Variants in ZNRF1 observed in about 807,000 individuals in gnomAD.
ZNRF1 encodes E3 ubiquitin-protein ligase ZNRF1.
Under a neutral mutation model 18.4 loss-of-function variants are expected in ZNRF1, and 3 were observed. The ratio of observed to expected loss-of-function variants is 0.16; its 90% CI spans 0.07 to 0.42. ZNRF1 has a LOEUF of 0.42. Among genes scored for constraint, ZNRF1 ranks in the 10% least tolerant of loss-of-function variants. The pLI is 0.99. For synonymous variants in ZNRF1, 157 were observed against 144.2 expected (o/e 1.09, Z -0.64); for missense variants, 310 against 329.8 (o/e 0.94, Z 0.47).
At chr16:75,063,961 A>G (rs1443034095) in intron 1 of ZNRF1, among the ~76,000 whole-genome samples, 1 of 152,172 alleles carries the variant, frequency 6.6e-6, no homozygotes, top group Non-Finnish European at 1.5e-5. Context: ...GATTTTTGTT[A>G]AAATACGGGG....
intron 1 of ZNRF1, among the ~76,000 whole-genome samples, chr16:75,006,205 G>A (rs750234349): frequency 4.6e-5 from 7 of 152,084 alleles, no homozygotes; most frequent in Non-Finnish European, 1.0e-4. Context: ...GTGAAGCCTT[G>A]GACAAGGGGT....
At chr16:75,051,530 T>TGG (rs200339905) in intron 1 of ZNRF1, among the ~76,000 whole-genome samples, 1 of 147,810 alleles carries the variant, frequency 6.8e-6, no homozygotes. Flanking sequence ...CTTTTTTTTT[T>TGG]TGGGGGGGAC....
At chr16:75,003,488 C>T (rs373378242) in intron 1 of ZNRF1, among the ~76,000 whole-genome samples, 1 of 152,106 alleles carries the variant, frequency 6.6e-6, no homozygotes, top group African/African-American at 2.4e-5. Flanking sequence ...TAAGACTGTT[C>T]TCTCCCACCC....
chr16:75,041,576 C>T (rs886088506), intron 1 of ZNRF1, among the ~76,000 whole-genome samples: 1 of 151,870 alleles, frequency 6.6e-6, no homozygotes, highest in African/African-American at 2.4e-5. Flanking sequence ...GTGATACGCC[C>T]GCCTCAGCCT....
chr16:75,097,453 C>CTT (rs2036212456), intron 2 of ZNRF1, among the ~76,000 whole-genome samples: 3 of 152,096 alleles, frequency 2.0e-5, no homozygotes, highest in Admixed American at 2.0e-4. Flanking sequence ...GTCATGATGC[C>CTT]CTCTTCCTCC....
At chr16:75,097,360 G>T (rs1597908956) in intron 2 of ZNRF1, among the ~76,000 whole-genome samples, 2 of 152,072 alleles carry the variant, frequency 1.3e-5, no homozygotes, top group Admixed American at 6.5e-5. Context: ...CTGGGGGGCG[G>T]CAGGTTCATT....
At position 75,104,776 on chromosome 16, in the gene ZNRF1, C is replaced by A; in HGVS notation, c.521-8C>A. ...ACCCTCCTGCACTCTCCCCTGTCCC[C>A]CTTGCAGATGATGTGCTGACTAAAG... On this transcript the variant is annotated splice_region_variant and splice_polypyrimidine_tract_variant and intron_variant, in intron 2 of 4. Transcript: ENST00000335325. The A allele has an allele frequency of 6.3e-7, 1 of 1,593,878 alleles. No homozygotes were observed. The highest frequency in any genetic ancestry group is 1.1e-5 in the South Asian group (1 of 87,128).
chr16:75,048,531 G>T (rs1215564203), intron 1 of ZNRF1, among the ~76,000 whole-genome samples: 1 of 152,170 alleles, frequency 6.6e-6, no homozygotes, highest in Non-Finnish European at 1.5e-5. Context: ...AAAAGAGAAT[G>T]CTCTTAAAAT....
At chr16:75,033,392 A>G (rs1281225947) in intron 1 of ZNRF1, among the ~76,000 whole-genome samples, 1 of 150,934 alleles carries the variant, frequency 6.6e-6, no homozygotes, top group African/African-American at 2.4e-5. Flanking sequence ...GTATTTCTCT[A>G]GCTTCATTTA....
chr16:75,007,733 AC>A (rs1354173743), intron 1 of ZNRF1, among the ~76,000 whole-genome samples: 1 of 152,180 alleles, frequency 6.6e-6, no homozygotes, highest in African/African-American at 2.4e-5. Context: ...TAACAAATGA[AC>A]CTGAAAACAA....
rs1026693629 is a variant in ZNRF1, at chr16:74,999,648, C to T, written c.-24C>T. 1.1e-4 allele frequency: 146 copies of T among 1,329,284 alleles called. No individual in the cohort carries two copies. The East Asian group carries it at 3.2e-3, about 29-fold the overall frequency. The allele number at this position is 1,329,284 out of a possible 1,614,324, so 82.3% of individuals were successfully genotyped here. A position where few individuals can be genotyped will look rare whatever the true frequency, so the allele number is the denominator to read the frequency against. The stretch of plus-strand genomic sequence containing the variant: ...GGGAGGGTCTCGGCCTCCAGGTTCC[C>T]GCCCCACCGGGGCCCGGGCGAGCAT... On this transcript the variant is annotated 5_prime_UTR_variant, in exon 1 of 5. Coordinates refer to ENST00000335325, the MANE Select transcript of ZNRF1 (RefSeq NM_032268.5).
intron 1 of ZNRF1, among the ~76,000 whole-genome samples, chr16:75,079,867 G>A (rs2145409787): frequency 6.6e-6 from 1 of 152,314 alleles, no homozygotes; most frequent in African/African-American, 2.4e-5. Flanking sequence ...TAGTGTAGCT[G>A]CGTGCCAGGA....
At chr16:75,015,644 C>T (rs922664687) in intron 1 of ZNRF1, among the ~76,000 whole-genome samples, 2 of 152,112 alleles carry the variant, frequency 1.3e-5, no homozygotes, top group Non-Finnish European at 2.9e-5. Flanking sequence ...ACTGTAGTGG[C>T]GCCATCACCG....
intron 1 of ZNRF1, among the ~76,000 whole-genome samples, chr16:75,087,232 T>A (rs373187746): frequency 6.6e-6 from 1 of 152,158 alleles, no homozygotes; most frequent in Non-Finnish European, 1.5e-5. Flanking sequence ...TCCAGGAACA[T>A]TGATGCACAT....
chr16:75,021,743 A>G (rs921476615), intron 1 of ZNRF1, among the ~76,000 whole-genome samples: 2 of 152,052 alleles, frequency 1.3e-5, no homozygotes, highest in African/African-American at 2.4e-5. Context: ...TGGCTGCTTT[A>G]TCTTGTCTTT....
At chr16:75,092,536 A>G (rs2145420847) in intron 1 of ZNRF1, among the ~76,000 whole-genome samples, 1 of 152,394 alleles carries the variant, frequency 6.6e-6, no homozygotes, top group South Asian at 2.1e-4. Context: ...GATCCATTTG[A>G]AAATCATTTC....
intron 1 of ZNRF1, among the ~76,000 whole-genome samples, chr16:75,068,658 C>A (rs752124990): frequency 3.9e-5 from 6 of 152,080 alleles, no homozygotes; most frequent in Non-Finnish European, 8.8e-5. Context: ...CCTCCGAGAC[C>A]AGCTGCTGCA....
chr16:75,022,422 C>T (rs2035163576), intron 1 of ZNRF1, among the ~76,000 whole-genome samples: 2 of 151,508 alleles, frequency 1.3e-5, no homozygotes, highest in Admixed American at 1.3e-4. Flanking sequence ...AAAAATTAGC[C>T]AGGCATGGTG....
chr16:75,004,058 T>C (rs1021126338), intron 1 of ZNRF1, among the ~76,000 whole-genome samples: 1 of 151,716 alleles, frequency 6.6e-6, no homozygotes, highest in Non-Finnish European at 1.5e-5. Flanking sequence ...ACTCCTGGGC[T>C]CAGTTGATCC....
Sources: allele counts gnomAD v4.1 joint callset (sites outside exome capture counted in the v4.1 genomes callset), GRCh38; gene constraint gnomAD v4.1.1; transcripts MANE v1.5; gene names NCBI Gene and HGNC (gene_info 2026-07-23, HGNC 2026-07-21).